Variants in FAM114A1 observed in about 807,000 individuals in gnomAD.
The protein encoded by FAM114A1 is protein NOXP20.
In FAM114A1, 62 loss-of-function variants were observed where a neutral mutation model predicts 64.3. That is an observed-to-expected ratio of 0.96 (90% CI 0.79 to 1.19). The LOEUF (loss-of-function observed/expected upper bound fraction) is 1.19. Ranked by LOEUF, FAM114A1 falls within the 50% of genes most tolerant of loss-of-function variation. The pLI, the probability that FAM114A1 is intolerant of heterozygous loss-of-function variation, is 0.00. For synonymous variants in FAM114A1, 254 were observed against 251.1 expected (o/e 1.01, Z -0.11); for missense variants, 645 against 676.3 (o/e 0.95, Z 0.51).
chr4:38,885,790 CT>C (rs1203972233), intron 3 of FAM114A1, among the ~76,000 whole-genome samples: 17 of 152,298 alleles, frequency 1.1e-4, no homozygotes, highest in African/African-American at 4.1e-4. Context: ...GCTGACCACC[CT>C]GGACTGTGCA....
intron 9 of FAM114A1, among the ~76,000 whole-genome samples, chr4:38,924,366 G>T (rs930885342): frequency 5.9e-5 from 9 of 152,106 alleles, no homozygotes; most frequent in African/African-American, 1.7e-4. Context: ...GTTATTACCC[G>T]GCATGCAAAG....
At chr4:38,868,004 G>A in intron 1 of FAM114A1, 170 bp downstream of exon 1, 1 of 409,548 alleles carries the variant, frequency 2.4e-6, no homozygotes, top group East Asian at 8.6e-5. Context: ...CCCGGCTCTG[G>A]GGTGAGGGTC....
intron 9 of FAM114A1, among the ~76,000 whole-genome samples, chr4:38,925,527 A>G (rs1264671754): frequency 1.3e-5 from 2 of 152,200 alleles, no homozygotes; most frequent in African/African-American, 4.8e-5. Flanking sequence ...TATGTTCCTA[A>G]AAGCCCCCTA....
intron 12 of FAM114A1, among the ~76,000 whole-genome samples, chr4:38,933,121 G>C (rs150403983): frequency 2.6e-5 from 4 of 152,016 alleles, no homozygotes; most frequent in Non-Finnish European, 5.9e-5. Flanking sequence ...CAAAGTGCTG[G>C]GATTACAGTC....
At chr4:38,893,444 G>A (rs1010416418) in intron 4 of FAM114A1, among the ~76,000 whole-genome samples, 4 of 152,150 alleles carry the variant, frequency 2.6e-5, no homozygotes, top group Non-Finnish European at 5.9e-5. Context: ...TTGGTGGTTC[G>A]AGGGTTCTAG....
Position 38,944,135 on chromosome 4 carries a change from C to G in FAM114A1, c.*578C>G, listed in dbSNP as rs1252358388. 1 of 146,146 alleles carries G rather than the reference C, an allele frequency of 6.8e-6. No homozygotes were observed. The allele number at this position is 146,146 out of a possible 1,614,324, so 9.1% of individuals were successfully genotyped here. A position where few individuals can be genotyped will look rare whatever the true frequency, so the allele number is the denominator to read the frequency against. On this transcript the variant is annotated 3_prime_UTR_variant, in exon 15 of 15. Coordinates refer to ENST00000358869, the MANE Select transcript of FAM114A1 (RefSeq NM_138389.4). The stretch of plus-strand genomic sequence containing the variant: ...CCAGGCTGGAGTGCGTTGGCACAAT[C>G]TCGGCTCACTGCAACCTCCGCCTCC...
At chr4:38,887,409 A>G (rs1389032313) in intron 3 of FAM114A1, among the ~76,000 whole-genome samples, 1 of 152,228 alleles carries the variant, frequency 6.6e-6, no homozygotes, top group East Asian at 1.9e-4. Context: ...CATTTATAAT[A>G]TATTCTACTT....
At position 38,935,705 on chromosome 4, in the gene FAM114A1, T is replaced by C. The variant is rs199857836; in HGVS notation, c.1464-13T>C. 8.7e-4 allele frequency: 1,363 copies of C among 1,564,716 alleles called. 13 individuals are homozygous for C. In the African/African-American group the frequency reaches 0.016, roughly 19 times the overall value. On this transcript the variant is annotated splice_polypyrimidine_tract_variant and intron_variant, in intron 12 of 14. Transcript: ENST00000358869. ...TTGAAAACATCCAAGCTTTTTTTTT[T>C]TTCTTCTTTCAGATTAACTACTGCA...
At chr4:38,931,394 T>C in intron 10 of FAM114A1, 57 bp from the exon 11 acceptor site, 1 of 1,537,582 alleles carries the variant, frequency 6.5e-7, no homozygotes, top group East Asian at 2.3e-5. Context: ...GGGGTTGGAA[T>C]GACTTAGTTT....
At position 38,932,218 on chromosome 4, in the gene FAM114A1, G is replaced by A. The variant is rs1178855750; in HGVS notation, c.1324-17G>A. On this transcript the variant is annotated splice_polypyrimidine_tract_variant and intron_variant, in intron 11 of 14. Coordinates refer to ENST00000358869, the MANE Select transcript of FAM114A1 (RefSeq NM_138389.4). ...CTGCTCAGTAAAAAATTTCTTGCTTGTGTCTATTCATTTCAGGAAGTATAC... is the reference window on the plus strand; with the variant it reads ...CTGCTCAGTAAAAAATTTCTTGCTTATGTCTATTCATTTCAGGAAGTATAC... 2 of 1,578,018 alleles carry A rather than the reference G, an allele frequency of 1.3e-6. No homozygotes were observed. The highest frequency in any genetic ancestry group is 1.2e-5 in the South Asian group (1 of 85,020).
chr4:38,927,068 A>G (rs1720182800), intron 9 of FAM114A1, among the ~76,000 whole-genome samples: 1 of 152,208 alleles, frequency 6.6e-6, no homozygotes, highest in East Asian at 1.9e-4. Flanking sequence ...TGCTGCTCCC[A>G]TGGATGAACC....
intron 2 of FAM114A1, among the ~76,000 whole-genome samples, chr4:38,870,832 TG>T (rs1446081316): frequency 1.3e-5 from 2 of 152,246 alleles, no homozygotes; most frequent in Admixed American, 6.5e-5. Context: ...GAAACAGTTC[TG>T]TATTTCAAAC....
chr4:38,879,039 C>A (rs1320889239), intron 3 of FAM114A1, among the ~76,000 whole-genome samples: 1 of 152,204 alleles, frequency 6.6e-6, no homozygotes, highest in Non-Finnish European at 1.5e-5. Context: ...CTGCACCTAT[C>A]TCTCAGGGTA....
intron 3 of FAM114A1, among the ~76,000 whole-genome samples, chr4:38,881,729 C>G (rs926903004): frequency 1.3e-5 from 2 of 152,122 alleles, no homozygotes; most frequent in African/African-American, 4.8e-5. Context: ...AATTTTATGC[C>G]TAGTCTTTGA....
At chr4:38,928,244 C>A (rs1720325910) in intron 9 of FAM114A1, among the ~76,000 whole-genome samples, 1 of 152,166 alleles carries the variant, frequency 6.6e-6, no homozygotes, top group African/African-American at 2.4e-5. Context: ...ACAGTATTTT[C>A]TTCTTAGAGA....
intron 9 of FAM114A1, among the ~76,000 whole-genome samples, chr4:38,925,870 AT>A (rs139010180): frequency 0.19 from 29,033 of 150,928 alleles, 3,036 homozygotes; most frequent in Middle Eastern, 0.3. Flanking sequence ...TTTCTCTATG[AT>A]TTTTTTTTTC....
At chr4:38,903,773 G>A (rs1717729294) in intron 4 of FAM114A1, among the ~76,000 whole-genome samples, 1 of 152,106 alleles carries the variant, frequency 6.6e-6, no homozygotes, top group Non-Finnish European at 1.5e-5. Context: ...TTTGAACTGT[G>A]TCTAATGATC....
intron 10 of FAM114A1, among the ~76,000 whole-genome samples, chr4:38,929,852 G>C (rs1032162177): frequency 8.5e-5 from 13 of 152,202 alleles, no homozygotes; most frequent in Non-Finnish European, 1.5e-4. Context: ...GAACATGCTA[G>C]ACTGTGTCAT....
intron 7 of FAM114A1, among the ~76,000 whole-genome samples, chr4:38,909,087 A>C (rs899228061): frequency 6.6e-6 from 1 of 152,158 alleles, no homozygotes; most frequent in African/African-American, 2.4e-5. Flanking sequence ...TACTAAACAC[A>C]CTCTTGTTCC....
Sources: allele counts gnomAD v4.1 joint callset (sites outside exome capture counted in the v4.1 genomes callset), GRCh38; gene constraint gnomAD v4.1.1; transcripts MANE v1.5; gene names NCBI Gene and HGNC (gene_info 2026-07-23, HGNC 2026-07-21).